The following SND1 variants were observed in gnomAD, a reference collection of about 807,000 sequenced individuals.
SND1 encodes the protein staphylococcal nuclease and tudor domain containing 1, also known as staphylococcal nuclease domain-containing protein 1.
A neutral mutation model predicts 121.7 loss-of-function variants in SND1; 38 were observed. That is an observed-to-expected ratio of 0.31 (90% CI 0.24 to 0.41). SND1 has a LOEUF of 0.41. Among genes scored for constraint, SND1 ranks in the 10% least tolerant of loss-of-function variants. The pLI, the probability that SND1 is intolerant of heterozygous loss-of-function variation, is 1.00. For synonymous variants in SND1, 401 were observed against 447.4 expected (o/e 0.90, Z 1.31); for missense variants, 868 against 1,184.6 (o/e 0.73, Z 3.92).
At chr7:127,659,947 C>G (rs1015729139) in intron 1 of SND1, among the ~76,000 whole-genome samples, 4 of 151,890 alleles carry the variant, frequency 2.6e-5, no homozygotes, top group African/African-American at 9.7e-5. Flanking sequence ...AAATCTCATA[C>G]CTTAACGGCT....
At chr7:128,045,598 C>CT (rs1346194109) in intron 16 of SND1, among the ~76,000 whole-genome samples, 4 of 152,170 alleles carry the variant, frequency 2.6e-5, no homozygotes, top group African/African-American at 7.2e-5. Flanking sequence ...TCACTTTAGG[C>CT]TATATGTGTT....
At chr7:127,979,361 G>A (rs1802203593) in intron 15 of SND1, among the ~76,000 whole-genome samples, 1 of 152,240 alleles carries the variant, frequency 6.6e-6, no homozygotes, top group Non-Finnish European at 1.5e-5. Flanking sequence ...CTTGAACGAG[G>A]GAGGGGAAGG....
chr7:127,847,311 T>C (rs1799084032), intron 12 of SND1, among the ~76,000 whole-genome samples: 2 of 152,118 alleles, frequency 1.3e-5, no homozygotes, highest in African/African-American at 4.8e-5. Flanking sequence ...ATTAATATTA[T>C]AGAAAATTTG....
chr7:127,745,223 T>C (rs1252438820), intron 10 of SND1, among the ~76,000 whole-genome samples: 1 of 152,146 alleles, frequency 6.6e-6, no homozygotes, highest in Non-Finnish European at 1.5e-5. Flanking sequence ...ACCTAGGCAA[T>C]ATGGTATAGC....
At chr7:127,822,087 G>C (rs568066441) in intron 11 of SND1, among the ~76,000 whole-genome samples, 1 of 152,062 alleles carries the variant, frequency 6.6e-6, no homozygotes, top group Non-Finnish European at 1.5e-5. Context: ...TGCTAATAAA[G>C]GGTATAAGTT....
chr7:127,696,971 AACTC>A (rs1456966707), intron 3 of SND1, among the ~76,000 whole-genome samples: 1 of 152,258 alleles, frequency 6.6e-6, no homozygotes, highest in African/African-American at 2.4e-5. Flanking sequence ...TATTTTAACT[AACTC>A]TTAATGCCAA....
chr7:127,664,150 A>G (rs1562971051), intron 1 of SND1, among the ~76,000 whole-genome samples: 1 of 151,812 alleles, frequency 6.6e-6, no homozygotes, highest in Non-Finnish European at 1.5e-5. Context: ...TAATTTTTGT[A>G]TTTTTTGTAG....
chr7:128,035,130 C>G (rs1394728581), intron 16 of SND1, among the ~76,000 whole-genome samples: 1 of 152,208 alleles, frequency 6.6e-6, no homozygotes. Flanking sequence ...AGAATGAGCC[C>G]TGTGCTAAGA....
intron 9 of SND1, chr7:127,718,719 A>C: frequency 1.0e-6 from 1 of 985,396 alleles, no homozygotes. Flanking sequence ...TTGTTACAGG[A>C]CATCCTTAGA....
In SND1 at chr7:128,019,167, C is replaced by T. The variant is rs114340101; in HGVS notation, c.1779+28111C>T. ...CAGGAGGCCACTTCTCCTGTGGTCA[C>T]CCCCTGGTCCAGAGAATCTGCCCAT... On this transcript the variant is annotated intron_variant, in intron 16 of 23. Coordinates refer to ENST00000354725, the MANE Select transcript of SND1 (RefSeq NM_014390.4). Among the ~76,000 whole-genome samples the T allele has an allele frequency of 3.6e-3, 547 of 152,274 alleles. 2 individuals are homozygous for T. Among genetic ancestry groups the T allele is most frequent in the African/African-American group, 0.012 (513 of 41,548 alleles).
At position 127,871,691 on chromosome 7, in the gene SND1, G is replaced by A. The variant is rs574808463; in HGVS notation, c.1344-16211G>A. On this transcript the variant is annotated intron_variant, in intron 12 of 23. Transcript: ENST00000354725. ...AGCGCTCCAAACTAGAAATGTGTAA[G>A]GTATGCTTAATGCTCATTGAAATGA... is the stretch of plus-strand genomic sequence containing the variant. Among the ~76,000 whole-genome samples, 10 of 152,236 alleles carry A rather than the reference G, an allele frequency of 6.6e-5. No homozygotes were observed. In the East Asian group the frequency reaches 1.9e-3, roughly 29 times the overall value.
chr7:127,908,878 G>T (rs1423125986), intron 14 of SND1, among the ~76,000 whole-genome samples: 1 of 152,132 alleles, frequency 6.6e-6, no homozygotes, highest in African/African-American at 2.4e-5. Flanking sequence ...TGTAAAACAG[G>T]CAATAAAATG....
chr7:127,718,729 A>G (rs1266810278), intron 9 of SND1: 1 of 985,278 alleles, frequency 1.0e-6, no homozygotes, highest in East Asian at 1.1e-4. Flanking sequence ...ACATCCTTAG[A>G]TCTTCATGTT....
chr7:127,954,419 C>G (rs1801546626), intron 15 of SND1, among the ~76,000 whole-genome samples: 2 of 152,090 alleles, frequency 1.3e-5, no homozygotes, highest in Non-Finnish European at 2.9e-5. Context: ...AGTTGTGCTT[C>G]TCCTTGATTA....
At chr7:127,924,700 C>T (rs753413596) in intron 14 of SND1, among the ~76,000 whole-genome samples, 4 of 152,170 alleles carry the variant, frequency 2.6e-5, no homozygotes, top group Non-Finnish European at 4.4e-5. Flanking sequence ...GCTTCGTCTG[C>T]TCTCCCACCT....
intron 1 of SND1, among the ~76,000 whole-genome samples, chr7:127,663,595 C>G (rs1795357611): frequency 3.3e-5 from 5 of 152,250 alleles, no homozygotes; most frequent in Admixed American, 3.3e-4. Context: ...CCAGGATGGT[C>G]TCCATCTCCT....
At chr7:128,060,899 G>A (rs913481012) in intron 16 of SND1, among the ~76,000 whole-genome samples, 5 of 152,182 alleles carry the variant, frequency 3.3e-5, no homozygotes, top group African/African-American at 9.7e-5. Flanking sequence ...GACACTGAGC[G>A]TCTTCATTTC....
intron 12 of SND1, among the ~76,000 whole-genome samples, chr7:127,881,465 A>G: frequency 6.6e-6 from 1 of 152,072 alleles, no homozygotes; most frequent in East Asian, 1.9e-4. Context: ...TTTTTTACCA[A>G]GTAGTATATT....
At chr7:128,082,057 T>C in intron 18 of SND1, 1 of 491,026 alleles carries the variant, frequency 2.0e-6, no homozygotes, top group South Asian at 1.5e-5. Flanking sequence ...CTGAAGGACC[T>C]TCTCCTCCTT....
Sources: gnomAD v4.1 joint callset for allele counts (sites outside exome capture counted in the v4.1 genomes callset) on GRCh38, gnomAD v4.1.1 for gene constraint, MANE v1.5 for transcripts, NCBI Gene and HGNC (gene_info 2026-07-23, HGNC 2026-07-21) for gene names.